Variants in BPIFB2 observed in about 807,000 individuals in gnomAD.
BPIFB2 encodes the protein BPI fold-containing family B member 2.
Under a neutral mutation model 50.1 loss-of-function variants are expected in BPIFB2, and 39 were observed. The ratio of observed to expected loss-of-function variants is 0.78; its 90% CI spans 0.60 to 1.02. The LOEUF (loss-of-function observed/expected upper bound fraction) is 1.02. Ranked by LOEUF, BPIFB2 falls within the 50% of genes least tolerant of loss-of-function variation. The pLI is 0.00. For synonymous variants in BPIFB2, 280 were observed against 256.3 expected (o/e 1.09, Z -0.88); for missense variants, 574 against 585.8 (o/e 0.98, Z 0.21).
Position 33,021,299 on chromosome 20 carries a change from C to G in BPIFB2, c.1213C>G (p.Leu405Val), listed in dbSNP as rs1243703388. Residue 405 changes from leucine to valine, a missense_variant, in exon 14 of 16, where the codon CTG (leucine) becomes GTG (valine). Physicochemically the swap from Leu to Val is conservative, Grantham distance 32. Coordinates refer to ENST00000170150, the MANE Select transcript of BPIFB2 (RefSeq NM_025227.3). ...GCCACAGACAGATCAGGTGCGCACA[C>G]TGATGGGCACCGTTTTTGAGAAGCC... ...GFIDTDQVRTLMGTVFEKPLL... is the reference protein window; with the variant it reads ...GFIDTDQVRTVMGTVFEKPLL... 1.2e-6 allele frequency: 2 copies of G among 1,613,926 alleles called. No homozygotes were observed. Among genetic ancestry groups the G allele is most frequent in the Admixed American group, 3.3e-5 (2 of 60,010 alleles).
In BPIFB2 at chr20:33,021,702, TTTC is replaced by T; in HGVS notation, c.1259-15_1259-13del. The T allele has an allele frequency of 6.2e-7, 1 of 1,612,898 alleles. No homozygotes were observed. The highest frequency in any genetic ancestry group is 8.5e-7 in the Non-Finnish European group (1 of 1,178,816). ...ACAGGCTGGCTCCAGGGGACGATCC[TTTC>T]TTCTTTCTCGCCTGCAGCTCTCTTG... On this transcript the variant is annotated intron_variant, in intron 14 of 15. Coordinates refer to ENST00000170150, the MANE Select transcript of BPIFB2 (RefSeq NM_025227.3).
At chr20:33,022,014 C>T (rs974603772) in intron 15 of BPIFB2, among the ~76,000 whole-genome samples, 5 of 152,226 alleles carry the variant, frequency 3.3e-5, no homozygotes, top group African/African-American at 9.6e-5. Flanking sequence ...AGACCACACT[C>T]GGACAATTGG....
intron 3 of BPIFB2, 132 bp downstream of exon 3, chr20:33,011,249 A>G: frequency 1.3e-6 from 1 of 782,312 alleles, no homozygotes; most frequent in Non-Finnish European, 2.1e-6. Flanking sequence ...CACGGGGCAA[A>G]GTGTTCCAGT....
chr20:33,010,782 G>A (rs950223835), intron 2 of BPIFB2, among the ~76,000 whole-genome samples: 1 of 152,110 alleles, frequency 6.6e-6, no homozygotes, highest in African/African-American at 2.4e-5. Flanking sequence ...TAAATCAGCA[G>A]GATTTTGAGA....
In BPIFB2 at chr20:33,015,482, G is replaced by A. The variant is rs760064551; in HGVS notation, c.502G>A (p.Val168Ile). ...LVLVQKHIKAVLSNKLCLSIS... is the reference protein window; with the variant it reads ...LVLVQKHIKAILSNKLCLSIS... ...CCTGGTGCAGAAGCACATTAAAGCT[G>A]TCTTGAGTAACAAGGTAAAGGGCTT... Residue 168 changes from valine (V) to isoleucine (I), a missense_variant, in exon 6 of 16, where the codon GTC (valine) becomes ATC (isoleucine). Transcript: ENST00000170150. 7 of 1,613,132 alleles carry A rather than the reference G, an allele frequency of 4.3e-6. No homozygotes were observed. In the African/African-American group the frequency reaches 6.7e-5, roughly 15 times the overall value.
rs776158412 is a variant in BPIFB2, at chr20:33,019,633, T to C, written c.963T>C (p.Gly321=). The C allele has an allele frequency of 2.7e-5, 43 of 1,608,774 alleles. No individual in the cohort carries two copies. The highest frequency in any genetic ancestry group is 9.9e-5 in the South Asian group (9 of 90,532). Residue 321 remains glycine (G), a synonymous_variant, in exon 11 of 16, where the codon GGT becomes GGC. Coordinates refer to ENST00000170150, the MANE Select transcript of BPIFB2 (RefSeq NM_025227.3). ...CTGTGGTGCTCAAGGTGCGGCTGGG[T>C]GCCACACCTGTGGCCATGCTCCACA... ...PMPVVLKVRL[G]ATPVAMLHTN...
rs1290970022 is a variant in BPIFB2, at chr20:33,020,372, T to C, written c.1125T>C (p.Leu375=). 2 of 1,613,958 alleles carry C rather than the reference T, an allele frequency of 1.2e-6. No individual in the cohort carries two copies. Among genetic ancestry groups the C allele is most frequent in the Non-Finnish European group, 1.7e-6 (2 of 1,179,990 alleles). The stretch of plus-strand genomic sequence containing the variant: ...AGCTCTCTGTGTCCAAGGTGAAGCT[T>C]CAGGGGACCACGTCTGTGCTGGGGT... ...RLQLSVSKVK[L]QGTTSVLGDV... Residue 375 remains leucine, a synonymous_variant, in exon 12 of 16, where the codon CTT becomes CTC. Transcript: ENST00000170150.
At chr20:33,020,627 G>A (rs1333861700) in intron 13 of BPIFB2, 40 bp downstream of exon 13, 1 of 1,556,954 alleles carries the variant, frequency 6.4e-7, no homozygotes, top group Non-Finnish European at 8.7e-7. Flanking sequence ...CCCCGTCCTG[G>A]GTAGGGCACA....
intron 11 of BPIFB2, 140 bp downstream of exon 11, chr20:33,019,890 G>A: frequency 1.7e-6 from 2 of 1,172,222 alleles, no homozygotes; most frequent in East Asian, 2.7e-5. Context: ...CCCGCCCCAG[G>A]ACCTTTGCAT....
intron 12 of BPIFB2, 49 bp downstream of exon 12, chr20:33,020,444 C>A (rs6057703): frequency 0.37 from 601,367 of 1,605,486 alleles, 120,110 homozygotes; most frequent in African/African-American, 0.75. Flanking sequence ...TCTTCTGTGC[C>A]ATGGGTCCAT....
rs1331983446 is a variant in BPIFB2 at position 33,021,360 on chromosome 20, C to T, written c.1258+16C>T. On this transcript the variant is annotated intron_variant, in intron 14 of 15. Coordinates refer to ENST00000170150, the MANE Select transcript of BPIFB2 (RefSeq NM_025227.3). Reference sequence around the variant, plus strand: ...CATCTCAATGGTAAGCCCTGCCCTCCACCCCAGCAGGGCCCCTCTGGCCCC... The same window carrying T: ...CATCTCAATGGTAAGCCCTGCCCTCTACCCCAGCAGGGCCCCTCTGGCCCC... The T allele has an allele frequency of 3.1e-6, 5 of 1,607,390 alleles. No homozygotes were observed. The African/African-American group carries it at 5.3e-5, about 17-fold the overall frequency.
intron 5 of BPIFB2, 34 bp downstream of exon 5, chr20:33,013,990 C>G: frequency 6.3e-7 from 1 of 1,596,418 alleles, no homozygotes; most frequent in South Asian, 1.1e-5. Context: ...TCACAGGAAT[C>G]CCAGATGCCA....
At chr20:33,014,104 C>T in intron 5 of BPIFB2, 148 bp downstream of exon 5, 1 of 1,154,988 alleles carries the variant, frequency 8.7e-7, no homozygotes, top group Non-Finnish European at 1.2e-6. Flanking sequence ...TCGGAGGACA[C>T]TGAGGCTCAG....
chr20:33,008,054 C>T (rs1453970567), intron 1 of BPIFB2, among the ~76,000 whole-genome samples: 1 of 152,148 alleles, frequency 6.6e-6, no homozygotes, highest in Non-Finnish European at 1.5e-5. Context: ...GGCCATTTAC[C>T]ACCTGGCCAG....
At chr20:33,013,392 A>T (rs557458136) in intron 4 of BPIFB2, among the ~76,000 whole-genome samples, 12 of 152,202 alleles carry the variant, frequency 7.9e-5, no homozygotes, top group Non-Finnish European at 1.5e-4. Flanking sequence ...CTACCCTGAC[A>T]CTATGATTTT....
chr20:33,011,170 C>A, intron 3 of BPIFB2, 53 bp downstream of exon 3: 1 of 1,557,502 alleles, frequency 6.4e-7, no homozygotes, highest in Non-Finnish European at 8.8e-7. Flanking sequence ...GTGGAGTGTT[C>A]CTGCTTGCCA....
At chr20:33,012,482 GT>G (rs1170485491) in intron 3 of BPIFB2, among the ~76,000 whole-genome samples, 2 of 152,194 alleles carry the variant, frequency 1.3e-5, no homozygotes, top group East Asian at 3.8e-4. Context: ...GCCTTCTGTG[GT>G]TCCTGAAGTT....
In BPIFB2 at chr20:33,018,651, G is replaced by T. The variant is rs752320176; in HGVS notation, c.684G>T (p.Leu228=). Residue 228 remains leucine (L), a synonymous_variant, in exon 9 of 16, where the codon CTG becomes CTT. Transcript: ENST00000170150. The stretch of plus-strand genomic sequence containing the variant: ...CACCCCTACAGGCTGTTCTCTTCCT[G>T]CTGGGCAAGCCCATCATCCTGCCCA... ...ISLEVNAVLF[L]LGKPIILPTD... 1 of 1,612,748 alleles carries T rather than the reference G, an allele frequency of 6.2e-7. No homozygotes were observed. The highest frequency in any genetic ancestry group is 8.5e-7 in the Non-Finnish European group (1 of 1,179,368).
At chr20:33,016,532 C>A (rs1469464283) in intron 6 of BPIFB2, among the ~76,000 whole-genome samples, 2 of 152,212 alleles carry the variant, frequency 1.3e-5, no homozygotes, top group Non-Finnish European at 2.9e-5. Flanking sequence ...TCCTCCTCTG[C>A]CCCCATCTTC....
Sources: allele counts gnomAD v4.1 joint callset (sites outside exome capture counted in the v4.1 genomes callset), GRCh38; gene constraint gnomAD v4.1.1; transcripts MANE v1.5; gene names NCBI Gene and HGNC (gene_info 2026-07-23, HGNC 2026-07-21).